USP34: variants seen among roughly 807,000 people sequenced by gnomAD.
USP34 encodes the protein ubiquitin carboxyl-terminal hydrolase 34.
In USP34, 70 loss-of-function variants were observed where a neutral mutation model predicts 460.3. The ratio of observed to expected loss-of-function variants is 0.15; its 90% CI spans 0.13 to 0.19. USP34 has a LOEUF of 0.19. Among genes scored for constraint, USP34 ranks in the 10% least tolerant of loss-of-function variants. The probability of loss-of-function intolerance (pLI) is 1.00; values close to 1 mark genes in which losing one functional copy is unlikely to be tolerated. For synonymous variants in USP34, 1,647 were observed against 1,405.3 expected, an observed-to-expected ratio of 1.17 and a Z score of -3.85; for missense variants, 3,985 against 4,236.2, an observed-to-expected ratio of 0.94 and a Z score of 1.65.
At chr2:61,445,536 A>G (rs1465029076) in intron 1 of USP34, among the ~76,000 whole-genome samples, 5 of 22,388 alleles carry the variant, frequency 2.2e-4, no homozygotes, top group African/African-American at 8.3e-4. Context: ...CTCCGTCTCA[A>G]AAAAAAAAAA....
intron 18 of USP34, among the ~76,000 whole-genome samples, chr2:61,335,496 A>T (rs1454656104): frequency 1.3e-5 from 2 of 152,202 alleles, no homozygotes; most frequent in Admixed American, 1.3e-4. Context: ...CATGCCTGTA[A>T]TCCCAACACT....
intron 67 of USP34, among the ~76,000 whole-genome samples, chr2:61,219,945 A>G (rs940399966): frequency 6.6e-6 from 1 of 151,966 alleles, no homozygotes; most frequent in Non-Finnish European, 1.5e-5. Flanking sequence ...TATATAACTC[A>G]TAATTTCAGC....
intron 10 of USP34, among the ~76,000 whole-genome samples, chr2:61,360,062 C>T (rs532978102): frequency 2.0e-4 from 30 of 152,076 alleles, no homozygotes; most frequent in African/African-American, 6.7e-4. Context: ...GGATGCCTGG[C>T]CAGCTTTTTT....
chr2:61,340,388 C>T (rs993614175), intron 16 of USP34, among the ~76,000 whole-genome samples: 1 of 152,146 alleles, frequency 6.6e-6, no homozygotes, highest in Admixed American at 6.5e-5. Flanking sequence ...ACAAGTTTTG[C>T]ATCATTTCCT....
intron 44 of USP34, among the ~76,000 whole-genome samples, chr2:61,259,196 T>A (rs747690042): frequency 6.6e-6 from 1 of 150,892 alleles, no homozygotes; most frequent in Non-Finnish European, 1.5e-5. Flanking sequence ...GAGGTGGAGG[T>A]TGCAGTGAAT....
At chr2:61,206,731 C>G (rs975898822) in intron 71 of USP34, 29 bp downstream of exon 71, 7 of 1,607,574 alleles carry the variant, frequency 4.4e-6, no homozygotes. Flanking sequence ...GTAGCACGAA[C>G]AAAACATAAG....
chr2:61,327,787 T>C (rs1422385503), intron 20 of USP34, among the ~76,000 whole-genome samples: 1 of 152,202 alleles, frequency 6.6e-6, no homozygotes, highest in Admixed American at 6.5e-5. Flanking sequence ...GAAAAATTCC[T>C]TGGGATGTCA....
chr2:61,420,952 T>A, intron 1 of USP34, 119 bp from the exon 2 acceptor site: 1 of 646,056 alleles, frequency 1.5e-6, no homozygotes, highest in Non-Finnish European at 2.4e-6. Flanking sequence ...TTCTTTTGCT[T>A]CCAAAGAAAA....
chr2:61,424,675 A>C (rs912353931), intron 1 of USP34, among the ~76,000 whole-genome samples: 1 of 152,212 alleles, frequency 6.6e-6, no homozygotes, highest in African/African-American at 2.4e-5. Context: ...CAAGAGTTCA[A>C]CACCAGCCCA....
At chr2:61,397,676 G>A (rs1184245184) in intron 3 of USP34, among the ~76,000 whole-genome samples, 3 of 151,952 alleles carry the variant, frequency 2.0e-5, no homozygotes, top group Admixed American at 6.6e-5. Flanking sequence ...CGAGGTGGGC[G>A]GATCATGATG....
intron 39 of USP34, among the ~76,000 whole-genome samples, chr2:61,279,519 A>G (rs1163890154): frequency 6.6e-6 from 1 of 152,124 alleles, no homozygotes; most frequent in African/African-American, 2.4e-5. Context: ...GCTAGAGTGC[A>G]GGGGCGTGAT....
intron 2 of USP34, among the ~76,000 whole-genome samples, chr2:61,414,204 T>C (rs1028252730): frequency 6.6e-6 from 1 of 151,342 alleles, no homozygotes; most frequent in Non-Finnish European, 1.5e-5. Flanking sequence ...GCCGAGATCA[T>C]GCCACTGCAC....
intron 1 of USP34, among the ~76,000 whole-genome samples, chr2:61,437,600 C>A (rs186783118): frequency 4.8e-4 from 73 of 151,788 alleles, no homozygotes; most frequent in South Asian, 3.5e-3. Context: ...GGTGAAACCC[C>A]GTCTCTAATA....
intron 18 of USP34, 73 bp downstream of exon 18, chr2:61,339,278 T>G (rs1321545738): frequency 1.4e-6 from 2 of 1,440,206 alleles, no homozygotes; most frequent in Non-Finnish European, 1.9e-6. Context: ...ACATCACACC[T>G]AGTCAACAAG....
intron 1 of USP34, among the ~76,000 whole-genome samples, chr2:61,470,082 C>T (rs1238554164): frequency 6.6e-6 from 1 of 152,190 alleles, no homozygotes; most frequent in Non-Finnish European, 1.5e-5. Flanking sequence ...TATGAAGGTT[C>T]CAATCATCAC....
At chr2:61,470,364 T>C (rs1695914641) in intron 1 of USP34, among the ~76,000 whole-genome samples, 2 of 151,850 alleles carry the variant, frequency 1.3e-5, no homozygotes, top group African/African-American at 4.8e-5. Context: ...CTGCCTTCAT[T>C]AATTGACACC....
intron 67 of USP34, among the ~76,000 whole-genome samples, chr2:61,216,215 G>GA (rs1687392294): frequency 6.6e-6 from 1 of 152,118 alleles, no homozygotes; most frequent in Middle Eastern, 3.2e-3. Context: ...AGTTTGTTAT[G>GA]TGTTTCAAAT....
intron 16 of USP34, among the ~76,000 whole-genome samples, chr2:61,342,274 G>C (rs1691627352): frequency 1.3e-5 from 2 of 148,820 alleles, no homozygotes; most frequent in Non-Finnish European, 3.0e-5. Flanking sequence ...GAGACACTGA[G>C]AGTGTACTTA....
In USP34 at chr2:61,278,263, C is replaced by G; in HGVS notation, c.5335G>C (p.Asp1779His). ...IRSREILDHQDGNVEDDGLTG... is the reference protein window; with the variant it reads ...IRSREILDHQHGNVEDDGLTG... ...AGCCCATCATCTTCTACATTACCAT[C>G]CTGATGATCAAGGATCTCCCTACTA... The change falls in exon 41 of 80, where the codon GAT becomes CAT. Residue 1779 changes from aspartate to histidine, a missense_variant. Physicochemically the swap from Asp to His is moderately conservative, Grantham distance 81 (BLOSUM62 -1). Around this residue, in one of 14 missense-constraint regions of USP34, gnomAD observed 1,114 missense variants for 1,122.5 expected, o/e 0.99. Coordinates refer to ENST00000398571, the MANE Select transcript of USP34 (RefSeq NM_014709.4). The G allele has an allele frequency of 6.2e-7, 1 of 1,613,694 alleles. No individual in the cohort carries two copies. The highest frequency in any genetic ancestry group is 8.5e-7 in the Non-Finnish European group (1 of 1,179,826).
Sources: allele counts gnomAD v4.1 joint callset (sites outside exome capture counted in the v4.1 genomes callset), GRCh38; gene constraint gnomAD v4.1.1; regional missense constraint gnomAD v4.1.1; transcripts MANE v1.5; gene names NCBI Gene and HGNC (gene_info 2026-07-23, HGNC 2026-07-21).